The following LY9 variants were observed in gnomAD, a reference collection of about 807,000 sequenced individuals.
LY9 encodes T-lymphocyte surface antigen Ly-9.
A neutral mutation model predicts 64.6 loss-of-function variants in LY9; 59 were observed. The ratio of observed to expected loss-of-function variants is 0.91; its 90% CI spans 0.74 to 1.13. LY9 has a LOEUF of 1.13. LY9 is among the 50% of genes most tolerant of loss of function. LY9 has a pLI of 0.00. For synonymous variants in LY9, 281 were observed against 308.5 expected (o/e 0.91, Z 0.93); for missense variants, 789 against 797.2 (o/e 0.99, Z 0.12).
At chr1:160,805,249 C>T (rs1299869465) in intron 2 of LY9, among the ~76,000 whole-genome samples, 1 of 151,418 alleles carries the variant, frequency 6.6e-6, no homozygotes, top group Non-Finnish European at 1.5e-5. Context: ...CTATAAACTT[C>T]CCTCAGCACT....
At chr1:160,820,107 G>A (rs1013544080) in intron 7 of LY9, among the ~76,000 whole-genome samples, 1 of 152,212 alleles carries the variant, frequency 6.6e-6, no homozygotes, top group African/African-American at 2.4e-5. Context: ...GGACTACAAT[G>A]AGGATGGAGT....
Position 160,823,555 on chromosome 1 carries a change from C to A in LY9, c.1589C>A (p.Thr530Lys). The A allele has an allele frequency of 6.2e-7, 1 of 1,614,202 alleles. No homozygotes were observed. Among genetic ancestry groups the A allele is most frequent in the Non-Finnish European group, 8.5e-7 (1 of 1,180,018 alleles). ...CTCAGGCCTGCCAGGCAACAGCCTACACCCACCTCAGACAGCAGCTCTGAC... is the reference window on the plus strand; with the variant it reads ...CTCAGGCCTGCCAGGCAACAGCCTAAACCCACCTCAGACAGCAGCTCTGAC... ...TPLRPARQQP[T>K]PTSDSSSDSN... The change falls in exon 8 of 10, where the codon ACA (threonine) becomes AAA (lysine). Residue 530 changes from threonine to lysine, a missense_variant. Coordinates refer to ENST00000263285, the MANE Select transcript of LY9 (RefSeq NM_002348.4).
chr1:160,816,731 G>A lies in LY9; in HGVS notation c.1210G>A (p.Val404Ile). ...ATGGACCCCGCTGCAGAAGGAAGCT[G>A]TTGTGTCCCAAGGGGAATCACACCT... The part of the protein sequence containing the change: ...YTWTPLQKEA[V>I]VSQGESHLNV... Residue 404 changes from valine (V) to isoleucine (I), a missense_variant, in exon 5 of 10, where the codon GTT (valine) becomes ATT (isoleucine). Coordinates refer to ENST00000263285, the MANE Select transcript of LY9 (RefSeq NM_002348.4). 1 of 1,614,282 alleles carries A rather than the reference G, an allele frequency of 6.2e-7. No individual in the cohort carries two copies. The highest frequency in any genetic ancestry group is 2.2e-5 in the East Asian group (1 of 44,894).
At chr1:160,812,602 G>T (rs1002902537) in intron 2 of LY9, 7 of 152,156 alleles carry the variant, frequency 4.6e-5, no homozygotes, top group Non-Finnish European at 1.0e-4. Flanking sequence ...AGTGTGTAAA[G>T]TATGCATATA....
chr1:160,798,976 C>T (rs1007463781), intron 1 of LY9: 4 of 152,132 alleles, frequency 2.6e-5, no homozygotes, highest in African/African-American at 9.7e-5. Flanking sequence ...AAATTAACTG[C>T]CTTGGCCAAA....
chr1:160,808,036 G>A (rs953029510), intron 2 of LY9, among the ~76,000 whole-genome samples: 3 of 152,130 alleles, frequency 2.0e-5, no homozygotes, highest in Non-Finnish European at 4.4e-5. Flanking sequence ...GTGAGGCCAG[G>A]TTCAGTGGCC....
At chr1:160,808,527 G>A (rs1456757186) in intron 2 of LY9, among the ~76,000 whole-genome samples, 2 of 152,164 alleles carry the variant, frequency 1.3e-5, no homozygotes, top group Admixed American at 6.5e-5. Context: ...GGTCAAAGGG[G>A]TCTCATGTGG....
At chr1:160,805,711 C>T (rs1666910909) in intron 2 of LY9, among the ~76,000 whole-genome samples, 1 of 150,344 alleles carries the variant, frequency 6.7e-6, no homozygotes, top group African/African-American at 2.4e-5. Context: ...TCCTCCACTA[C>T]TATTCTGTTG....
At chr1:160,798,694 C>G (rs996466804) in intron 1 of LY9, 1 of 152,348 alleles carries the variant, frequency 6.6e-6, no homozygotes, top group Non-Finnish European at 1.5e-5. Context: ...CAAGCAGCCT[C>G]TCTCCTTCCA....
At chr1:160,812,206 C>A (rs1667529176) in intron 2 of LY9, 1 of 152,198 alleles carries the variant, frequency 6.6e-6, no homozygotes, top group Non-Finnish European at 1.5e-5. Context: ...ACATGGGTGT[C>A]CCTCTGTCTA....
At chr1:160,814,327 G>A in intron 3 of LY9, 93 bp from the exon 4 acceptor site, 1 of 928,654 alleles carries the variant, frequency 1.1e-6, no homozygotes, top group South Asian at 1.6e-5. Flanking sequence ...AGAGGAGGAG[G>A]GACTTCAGTC....
chr1:160,822,005 TA>T (rs1390087122), intron 7 of LY9, among the ~76,000 whole-genome samples: 1 of 152,178 alleles, frequency 6.6e-6, no homozygotes, highest in Non-Finnish European at 1.5e-5. Flanking sequence ...GCAGACTAAA[TA>T]AACTTATTCA....
chr1:160,822,978 A>G (rs1025453464), intron 7 of LY9, among the ~76,000 whole-genome samples: 1 of 152,050 alleles, frequency 6.6e-6, no homozygotes, highest in African/African-American at 2.4e-5. Context: ...ACCCACCTCA[A>G]TTCTGCCACT....
At chr1:160,823,103 A>G (rs1668601078) in intron 7 of LY9, among the ~76,000 whole-genome samples, 1 of 152,084 alleles carries the variant, frequency 6.6e-6, no homozygotes, top group South Asian at 2.1e-4. Flanking sequence ...TGATTTACAC[A>G]TGCACCTGAC....
intron 2 of LY9, among the ~76,000 whole-genome samples, chr1:160,807,743 G>A (rs956506780): frequency 6.6e-6 from 1 of 152,204 alleles, no homozygotes; most frequent in African/African-American, 2.4e-5. Flanking sequence ...CTTGCAGGTA[G>A]GTGGTAGTGG....
In LY9 at chr1:160,814,750, T is replaced by A; in HGVS notation, c.1061T>A (p.Leu354Gln). 2 of 1,612,882 alleles carry A rather than the reference T, an allele frequency of 1.2e-6. No homozygotes were observed. The highest frequency in any genetic ancestry group is 8.5e-7 in the Non-Finnish European group (1 of 1,179,338). The change falls in exon 4 of 10, where the codon CTG becomes CAG. Residue 354 changes from leucine to glutamine, a missense_variant. Physicochemically the swap from Leu to Gln is moderately radical, Grantham distance 113. Coordinates refer to ENST00000263285, the MANE Select transcript of LY9 (RefSeq NM_002348.4). ...GTCACCAGCATGACACATGTCACCC[T>A]GCTCATCTACCGTGAGTCTCTGGGC... Reference protein sequence around the residue: ...SSVTSMTHVTLLIYRRLRKPK... With the variant: ...SSVTSMTHVTQLIYRRLRKPK...
At chr1:160,810,679 GC>G (rs1477319898) in intron 2 of LY9, 1 of 152,120 alleles carries the variant, frequency 6.6e-6, no homozygotes, top group East Asian at 1.9e-4. Context: ...CTTCTCACAT[GC>G]AAAATACATT....
intron 3 of LY9, 94 bp downstream of exon 3, chr1:160,814,005 G>A: frequency 7.4e-7 from 1 of 1,349,650 alleles, no homozygotes. Context: ...GACACACAGG[G>A]GGTGGGGAAG....
chr1:160,824,441 G>T, intron 9 of LY9, 192 bp downstream of exon 9: 2 of 985,292 alleles, frequency 2.0e-6, no homozygotes, highest in Non-Finnish European at 2.4e-6. Flanking sequence ...GTGACCAAAG[G>T]CTGAACATTT....
Sources: gnomAD v4.1 joint callset for allele counts (sites outside exome capture counted in the v4.1 genomes callset) on GRCh38, gnomAD v4.1.1 for gene constraint, MANE v1.5 for transcripts, NCBI Gene and HGNC (gene_info 2026-07-23, HGNC 2026-07-21) for gene names.